Variants in SRP14 observed in about 807,000 individuals in gnomAD.
SRP14 encodes the protein signal recognition particle 14, also known as signal recognition particle 14 kDa protein.
A neutral mutation model predicts 16.0 loss-of-function variants in SRP14; 1 was observed. That is an observed-to-expected ratio of 0.06 (90% CI 0.02 to 0.30). The LOEUF (loss-of-function observed/expected upper bound fraction) is 0.30, where lower values mean the gene tolerates loss of function less well. Ranked by LOEUF, SRP14 falls within the 10% of genes least tolerant of loss-of-function variation. SRP14 has a pLI of 1.00. For synonymous variants in SRP14, 67 were observed against 60.1 expected (o/e 1.12, Z -0.53); for missense variants, 120 against 163.1 (o/e 0.74, Z 1.44).
rs1456108985 is a variant in SRP14 at position 40,039,075 on chromosome 15, G to A, written c.24+18C>T. The A allele has an allele frequency of 4.4e-6, 7 of 1,608,558 alleles. No homozygotes were observed. Among genetic ancestry groups the A allele is most frequent in the South Asian group, 1.1e-5 (1 of 90,230 alleles). ...CCTGAGCCGCCCCCTTCCCTCGGCC[G>A]GCCAGGCCTAGCCATACCTGCTCGC... On this transcript the variant is annotated intron_variant, in intron 1 of 4. Coordinates refer to ENST00000267884, the MANE Select transcript of SRP14 (RefSeq NM_003134.6).
At position 40,038,401 on chromosome 15, in the gene SRP14, G is replaced by GA; in HGVS notation, c.98-8dup. On this transcript the variant is annotated splice_polypyrimidine_tract_variant and splice_region_variant and intron_variant, in intron 2 of 4. Transcript: ENST00000267884. ...GGTTTGGTTCGACCGTCATCTGAAG[G>GA]AAAAAATGCATCCTGGTGAACACGG... 4 of 1,592,844 alleles carry GA rather than the reference G, an allele frequency of 2.5e-6. No homozygotes were observed. Among genetic ancestry groups the GA allele is most frequent in the Non-Finnish European group, 1.7e-6 (2 of 1,160,830 alleles).
chr15:40,038,742 C>T, intron 2 of SRP14, 134 bp downstream of exon 2: 1 of 946,664 alleles, frequency 1.1e-6, no homozygotes, highest in Non-Finnish European at 1.6e-6. Context: ...TTTTCCGGGC[C>T]CGAAGCCCCG....
chr15:40,038,441 G>A (rs2035665467), intron 2 of SRP14, 47 bp from the exon 3 acceptor site: 1 of 1,315,486 alleles, frequency 7.6e-7, no homozygotes, highest in Non-Finnish European at 1.1e-6. Context: ...GTACGTGGCT[G>A]AGCGGCAGAC....
chr15:40,036,139 C>T lies in SRP14; in HGVS notation c.*194G>A. 3 of 937,488 alleles carry T rather than the reference C, an allele frequency of 3.2e-6. No individual in the cohort carries two copies. Among genetic ancestry groups the T allele is most frequent in the Non-Finnish European group, 4.8e-6 (3 of 627,852 alleles). 58.1% of individuals were successfully genotyped at this position (937,488 alleles called of 1,614,324 possible). ...GGAGTATATAACCATGCAGCACAGA[C>T]CAATTAGCCAAATGCAAAATAAACT... On this transcript the variant is annotated 3_prime_UTR_variant, in exon 5 of 5. Transcript: ENST00000267884.
chr15:40,036,921 C>T (rs1333136316), intron 4 of SRP14, 65 bp downstream of exon 4: 2 of 1,547,444 alleles, frequency 1.3e-6, no homozygotes, highest in East Asian at 4.5e-5. Flanking sequence ...CAATCTTACC[C>T]AGTGTTCACT....
intron 3 of SRP14, chr15:40,037,222 A>G: frequency 2.3e-6 from 3 of 1,287,714 alleles, no homozygotes; most frequent in Non-Finnish European, 3.0e-6. Flanking sequence ...GGAGCTCTGC[A>G]TCTTTTTCCA....
rs906476163 is a variant in SRP14 at position 40,036,045 on chromosome 15, A to T, written c.*288T>A. 1.3e-5 allele frequency: 6 copies of T among 452,730 alleles called. No individual in the cohort carries two copies. The highest frequency in any genetic ancestry group is 2.3e-5 in the Non-Finnish European group (6 of 258,260). The allele number at this position is 452,730 out of a possible 1,614,324, so 28.0% of individuals were successfully genotyped here. A position where few individuals can be genotyped will look rare whatever the true frequency, so the allele number is the denominator to read the frequency against. On this transcript the variant is annotated 3_prime_UTR_variant, in exon 5 of 5. Transcript: ENST00000267884. ...AAAGGAATAAAGAGACAGTGCTGAT[A>T]AACAGACATGTTTAATGATAGCTTG...
intron 3 of SRP14, chr15:40,037,474 T>C: frequency 1.6e-6 from 1 of 612,830 alleles, no homozygotes; most frequent in Non-Finnish European, 2.3e-6. Flanking sequence ...CAAGCATATT[T>C]AAGCACAATG....
intron 4 of SRP14, 172 bp from the exon 5 acceptor site, chr15:40,036,672 A>G (rs2035628619): frequency 1.4e-6 from 1 of 734,298 alleles, no homozygotes; most frequent in Non-Finnish European, 2.3e-6. Context: ...ACATTATAGC[A>G]GCTTCTGCAA....
rs1567013776 is a variant in SRP14, at chr15:40,036,169, T to G, written c.*164A>C. The G allele has an allele frequency of 3.1e-6, 4 of 1,280,776 alleles. No individual in the cohort carries two copies. The highest frequency in any genetic ancestry group is 4.3e-6 in the Non-Finnish European group (4 of 924,716). The allele number at this position is 1,280,776 out of a possible 1,614,324, so 79.3% of individuals were successfully genotyped here. On this transcript the variant is annotated 3_prime_UTR_variant, in exon 5 of 5. Transcript: ENST00000267884. ...TAGCCAAATGCAAAATAAACTAGAT[T>G]CTTACCACAACTATCCTATAAACAC...
Position 40,036,360 on chromosome 15 carries a change from T to A in SRP14, c.384A>T (p.Ala128=), listed in dbSNP as rs775909445. The change falls in exon 5 of 5, where the codon GCA becomes GCT. Residue 128 remains alanine (A), a synonymous_variant. Coordinates refer to ENST00000267884, the MANE Select transcript of SRP14 (RefSeq NM_003134.6). Reference sequence around the variant, plus strand: ...ACTGTGCTGCTGTTGCTGCTGTTGTTGCTGCTGTTGTTGGTGCTGTTGCTG... The same window carrying A: ...ACTGTGCTGCTGTTGCTGCTGTTGTAGCTGCTGTTGTTGGTGCTGTTGCTG... ...AAAATAPTTA[A]TTAATAAQ is the part of the protein sequence containing the mutation. 1.2e-6 allele frequency: 2 copies of A among 1,613,808 alleles called. No homozygotes were observed. Among genetic ancestry groups the A allele is most frequent in the South Asian group, 1.1e-5 (1 of 91,052 alleles).
intron 4 of SRP14, 97 bp from the exon 5 acceptor site, chr15:40,036,597 AG>A: frequency 8.2e-7 from 1 of 1,218,338 alleles, no homozygotes; most frequent in African/African-American, 1.5e-5. Flanking sequence ...GCCAAAAATC[AG>A]GAAAGAATAT....
Position 40,037,281 on chromosome 15 carries a change from A to G in SRP14, c.211-263T>C, listed in dbSNP as rs942762240. On this transcript the variant is annotated intron_variant, in intron 3 of 4. Transcript: ENST00000267884. Reference sequence around the variant, plus strand: ...AAAGGCAGTAGGCTCCTTTTGGGGAAAAAAAAAAAAAAAGCTTTGTTTCTC... The same window carrying G: ...AAAGGCAGTAGGCTCCTTTTGGGGAGAAAAAAAAAAAAAGCTTTGTTTCTC... 27 of 1,226,192 alleles carry G rather than the reference A, an allele frequency of 2.2e-5. No individual in the cohort carries two copies. The East Asian group carries it at 5.3e-4, about 24-fold the overall frequency. 76.0% of individuals were successfully genotyped at this position (1,226,192 alleles called of 1,614,324 possible).
intron 3 of SRP14, among the ~76,000 whole-genome samples, chr15:40,037,594 A>T (rs2035648564): frequency 7.2e-6 from 1 of 138,794 alleles, no homozygotes; most frequent in African/African-American, 2.6e-5. Context: ...TTACTGTAGA[A>T]GTCCTCTCAA....
intron 3 of SRP14, 125 bp downstream of exon 3, chr15:40,038,156 TG>T (rs2035659145): frequency 8.3e-6 from 6 of 721,342 alleles, no homozygotes; most frequent in Non-Finnish European, 1.4e-5. Context: ...AGGAAGGTCC[TG>T]GTCTCAAAAA....
intron 4 of SRP14, 187 bp downstream of exon 4, chr15:40,036,799 C>T (rs556728594): frequency 1.8e-5 from 13 of 702,756 alleles, no homozygotes; most frequent in Non-Finnish European, 3.1e-5. Context: ...CAAAATCTAA[C>T]TTAAAAAAAC....
chr15:40,037,013 G>A lies in SRP14; in HGVS notation c.216C>T (p.Ser72=). 6.2e-7 allele frequency: 1 copy of A among 1,613,498 alleles called. No individual in the cohort carries two copies. ...TCTGAAACTTATTCACTTCCTTGGAGCTCACCTGAAAAAGAAGGAAAAAAG... is the reference window on the plus strand; with the variant it reads ...TCTGAAACTTATTCACTTCCTTGGAACTCACCTGAAAAAGAAGGAAAAAAG... ...DGKKKISTVV[S]SKEVNKFQMA... is the part of the protein sequence containing the mutation. Residue 72 remains serine (S), a synonymous_variant, in exon 4 of 5, where the codon AGC becomes AGT. Coordinates refer to ENST00000267884, the MANE Select transcript of SRP14 (RefSeq NM_003134.6).
Position 40,038,868 on chromosome 15 carries a change from C to T in SRP14, c.97+8G>A, listed in dbSNP as rs1285592001. On this transcript the variant is annotated splice_region_variant and intron_variant, in intron 2 of 4. Transcript: ENST00000267884. ...GGAGCATCGCCCGGCTCCCCTCCCG[C>T]TGCTTACACTTCTTCAAGGTGATAT... 1.9e-6 allele frequency: 3 copies of T among 1,613,468 alleles called. No individual in the cohort carries two copies. The highest frequency in any genetic ancestry group is 3.3e-5 in the Admixed American group (2 of 59,970).
At chr15:40,039,043 A>G (rs2035677729) in intron 1 of SRP14, 50 bp downstream of exon 1, 4 of 1,607,268 alleles carry the variant, frequency 2.5e-6, no homozygotes, top group East Asian at 4.5e-5. Context: ...ACAGGTCTCG[A>G]GTAACGCCTG....
Sources: allele counts gnomAD v4.1 joint callset (sites outside exome capture counted in the v4.1 genomes callset), GRCh38; gene constraint gnomAD v4.1.1; transcripts MANE v1.5; gene names NCBI Gene and HGNC (gene_info 2026-07-23, HGNC 2026-07-21).